CNNM4: variants seen among roughly 807,000 people sequenced by gnomAD.
CNNM4 encodes metal transporter CNNM4.
In CNNM4, 32 loss-of-function variants were observed where a neutral mutation model predicts 53.7. That is an observed-to-expected ratio of 0.60 (90% CI 0.45 to 0.80). The LOEUF (loss-of-function observed/expected upper bound fraction) is 0.80. CNNM4 is among the 30% of genes least tolerant of loss of function. The pLI is 0.00. For synonymous variants in CNNM4, 410 were observed against 440.0 expected, an observed-to-expected ratio of 0.93 and a Z score of 0.85; for missense variants, 784 against 1,022.0, an observed-to-expected ratio of 0.77 and a Z score of 3.17.
In CNNM4 at chr2:96,762,030, T is replaced by C. The variant is rs1249307299; in HGVS notation, c.1031T>C (p.Met344Thr). 2 of 1,613,980 alleles carry C rather than the reference T, an allele frequency of 1.2e-6. No homozygotes were observed. Among genetic ancestry groups the C allele is most frequent in the African/African-American group, 2.7e-5 (2 of 74,882 alleles). ...TACAACCGGGAGAAGCTGATGGAGATGTTGAAGGTGACGGAGCCCTATAAT... is the reference window on the plus strand; with the variant it reads ...TACAACCGGGAGAAGCTGATGGAGACGTTGAAGGTGACGGAGCCCTATAAT... ...TVYNREKLME[M>T]LKVTEPYNDL... is the part of the protein sequence containing the mutation. Residue 344 changes from methionine (M) to threonine (T), a missense_variant, in exon 1 of 7, where the codon ATG becomes ACG. Physicochemically the swap from Met to Thr is moderately conservative, Grantham distance 81. This residue lies in a region of CNNM4 where 473 missense variants were observed against 624.6 expected (regional missense o/e 0.76). Transcript: ENST00000377075.
At chr2:96,784,339 A>G (rs528091441) in intron 1 of CNNM4, among the ~76,000 whole-genome samples, 1 of 152,366 alleles carries the variant, frequency 6.6e-6, no homozygotes, top group East Asian at 1.9e-4. Context: ...GGTAAAATGT[A>G]TACATGTTTA....
rs977161267 is a variant in CNNM4 at position 96,761,401 on chromosome 2, G to A, written c.402G>A (p.Val134=). ...SRGNTSGVLV[V]LTKFLRRSES... ...GGAACACGTCCGGCGTGCTGGTGGT[G>A]CTCACCAAGTTCCTCCGGAGGAGCG... is the stretch of plus-strand genomic sequence containing the variant. Residue 134 remains valine, a synonymous_variant, in exon 1 of 7, where the codon GTG becomes GTA. Coordinates refer to ENST00000377075, the MANE Select transcript of CNNM4 (RefSeq NM_020184.4). The surrounding 1 kb of genome is among the most constrained non-coding windows in gnomAD (Gnocchi z 6.0). 23 of 1,613,994 alleles carry A rather than the reference G, an allele frequency of 1.4e-5. No individual in the cohort carries two copies. Among genetic ancestry groups the A allele is most frequent in the Non-Finnish European group, 1.6e-5 (19 of 1,180,046 alleles).
At chr2:96,762,619 C>T (rs2078776095) in intron 1 of CNNM4, among the ~76,000 whole-genome samples, 1 of 152,084 alleles carries the variant, frequency 6.6e-6, no homozygotes, top group Non-Finnish European at 1.5e-5. Context: ...CCTGATGAAT[C>T]AAAGCTGAAT....
At chr2:96,789,935 C>G (rs2079045771) in intron 1 of CNNM4, among the ~76,000 whole-genome samples, 1 of 111,650 alleles carries the variant, frequency 9.0e-6, no homozygotes, top group Admixed American at 1.1e-4. Flanking sequence ...TCGTGATCCA[C>G]CCACCCCCCG....
chr2:96,807,939 AGTGCAGTG>A (rs1428048440), intron 5 of CNNM4, among the ~76,000 whole-genome samples: 2 of 151,704 alleles, frequency 1.3e-5, no homozygotes, highest in Non-Finnish European at 2.9e-5. Context: ...CCCAAGCTGG[AGTGCAGTG>A]GTGCCAGCTT....
Position 96,797,602 on chromosome 2 carries a change from A to G in CNNM4, c.1636A>G (p.Ile546Val). 6.2e-7 allele frequency: 1 copy of G among 1,613,946 alleles called. No homozygotes were observed. Among genetic ancestry groups the G allele is most frequent in the East Asian group, 2.2e-5 (1 of 44,860 alleles). ...TGCGGACAATGAGCTCAAAGTGAAA[A>G]TCTCCCCGCAGCTCCTCCTGGCCGC... is the stretch of plus-strand genomic sequence containing the variant. ...KDADNELKVK[I>V]SPQLLLAAHR... Residue 546 changes from isoleucine to valine, a missense_variant, in exon 3 of 7, where the codon ATC (isoleucine) becomes GTC (valine). This residue lies in a region of CNNM4 where 307 missense variants were observed against 376.3 expected (regional missense o/e 0.82). Transcript: ENST00000377075. The surrounding 1 kb of genome is among the most constrained non-coding windows in gnomAD (Gnocchi z 6.0).
chr2:96,769,795 G>T (rs7589829), intron 1 of CNNM4, among the ~76,000 whole-genome samples: 115 of 152,290 alleles, frequency 7.6e-4, no homozygotes, highest in Non-Finnish European at 1.1e-3. Flanking sequence ...AGTGGTGCCC[G>T]AAGGCAGCTT....
chr2:96,794,516 G>A (rs2079086730), intron 1 of CNNM4, among the ~76,000 whole-genome samples: 2 of 152,086 alleles, frequency 1.3e-5, no homozygotes, highest in South Asian at 2.1e-4. Context: ...CTTGGATTTC[G>A]TTCCGCGCTT....
intron 1 of CNNM4, among the ~76,000 whole-genome samples, chr2:96,780,129 C>T (rs2078961182): frequency 6.6e-6 from 1 of 151,936 alleles, no homozygotes; most frequent in East Asian, 1.9e-4. Flanking sequence ...AGTGAATCTT[C>T]CAATCTGTGA....
intron 1 of CNNM4, among the ~76,000 whole-genome samples, chr2:96,785,505 C>T (rs1420579355): frequency 6.6e-6 from 1 of 151,898 alleles, no homozygotes; most frequent in East Asian, 1.9e-4. Flanking sequence ...GGCATGATGG[C>T]CTGTAATCCA....
intron 1 of CNNM4, among the ~76,000 whole-genome samples, chr2:96,775,337 G>A (rs1008062614): frequency 9.9e-5 from 15 of 152,042 alleles, no homozygotes; most frequent in Non-Finnish European, 1.5e-4. Flanking sequence ...TTTTGTGTCT[G>A]GCTTCTGCTG....
In CNNM4 at chr2:96,801,996, C is replaced by G. The variant is rs2153350403; in HGVS notation, c.1948+2348C>G. On this transcript the variant is annotated intron_variant, in intron 5 of 6. Transcript: ENST00000377075. The surrounding 1 kb of genome is among the most constrained non-coding windows in gnomAD (Gnocchi z 5.6). Reference sequence around the variant, plus strand: ...ACAAAGAGACACACACAGACACACACCCATGGACACACACACACACAGAAG... The same window carrying G: ...ACAAAGAGACACACACAGACACACAGCCATGGACACACACACACACAGAAG... 6.7e-6 allele frequency among the ~76,000 whole-genome samples: 1 copy of G among 150,012 alleles called. No homozygotes were observed. The highest frequency in any genetic ancestry group is 3.5e-3 in the Middle Eastern group (1 of 286).
chr2:96,774,419 A>T (rs534616862), intron 1 of CNNM4, among the ~76,000 whole-genome samples: 10 of 152,164 alleles, frequency 6.6e-5, no homozygotes, highest in East Asian at 5.8e-4. Flanking sequence ...GTGTTTAAAA[A>T]TTTTTTTTAA....
At chr2:96,794,238 C>T (rs1364486815) in intron 1 of CNNM4, among the ~76,000 whole-genome samples, 1 of 152,112 alleles carries the variant, frequency 6.6e-6, no homozygotes, top group Admixed American at 6.5e-5. Context: ...CTTTGTTCTC[C>T]TTAATTTTGT....
chr2:96,765,532 G>A (rs2078808878), intron 1 of CNNM4, among the ~76,000 whole-genome samples: 1 of 152,130 alleles, frequency 6.6e-6, no homozygotes, highest in African/African-American at 2.4e-5. Context: ...CCCAGGTTGG[G>A]TGAGGGTCCT....
At chr2:96,783,514 A>C (rs1428693238) in intron 1 of CNNM4, among the ~76,000 whole-genome samples, 5 of 152,148 alleles carry the variant, frequency 3.3e-5, no homozygotes, top group African/African-American at 1.2e-4. Flanking sequence ...AGATGGCTCA[A>C]GTTCCTTGTT....
rs557133142 is a variant in CNNM4 at position 96,800,257 on chromosome 2, T to C, written c.1948+609T>C. 6.6e-6 allele frequency among the ~76,000 whole-genome samples: 1 copy of C among 152,032 alleles called. No individual in the cohort carries two copies. Among genetic ancestry groups the C allele is most frequent in the East Asian group, 1.9e-4 (1 of 5,158 alleles). ...TCTCCTGTGCTGAGTGGCTCAGGCT[T>C]TCCCCGCAGAGCCCCACAGACAAGG... is the stretch of plus-strand genomic sequence containing the variant. On this transcript the variant is annotated intron_variant, in intron 5 of 6. Transcript: ENST00000377075. The surrounding 1 kb of genome is among the most constrained non-coding windows in gnomAD (Gnocchi z 4.6).
intron 1 of CNNM4, among the ~76,000 whole-genome samples, chr2:96,768,774 C>G (rs998105942): frequency 1.3e-5 from 2 of 152,204 alleles, no homozygotes; most frequent in African/African-American, 4.8e-5. Flanking sequence ...TGTTGAAATG[C>G]AGACTTGAAC....
Position 96,809,616 on chromosome 2 carries a change from T to C in CNNM4, c.*99T>C. 7 of 1,085,914 alleles carry C rather than the reference T, an allele frequency of 6.4e-6. No individual in the cohort carries two copies. The highest frequency in any genetic ancestry group is 9.6e-6 in the Non-Finnish European group (7 of 732,360). The allele number at this position is 1,085,914 out of a possible 1,614,324, so 67.3% of individuals were successfully genotyped here. On this transcript the variant is annotated 3_prime_UTR_variant, in exon 7 of 7. Coordinates refer to ENST00000377075, the MANE Select transcript of CNNM4 (RefSeq NM_020184.4). Reference sequence around the variant, plus strand: ...TTAGTCCAGAAAGGATACGGATAGATAGCCTGTCTGACTGAACAGCCAGAT... The same window carrying C: ...TTAGTCCAGAAAGGATACGGATAGACAGCCTGTCTGACTGAACAGCCAGAT...
Sources: gnomAD v4.1 joint callset for allele counts (sites outside exome capture counted in the v4.1 genomes callset) on GRCh38, gnomAD v4.1.1 for gene constraint, gnomAD v4.1.1 regional missense constraint, Gnocchi (gnomAD v3.1) non-coding constraint, MANE v1.5 for transcripts, NCBI Gene and HGNC (gene_info 2026-07-23, HGNC 2026-07-21) for gene names.